The following DDX60 variants were observed in gnomAD, a reference collection of about 807,000 sequenced individuals.
The protein encoded by DDX60 is DExD/H-box helicase 60, also known as probable ATP-dependent RNA helicase DDX60.
In DDX60, 165 loss-of-function variants were observed where a neutral mutation model predicts 212.8. The ratio of observed to expected loss-of-function variants is 0.78; its 90% CI spans 0.68 to 0.88. The LOEUF is 0.88. DDX60 is among the 40% of genes least tolerant of loss of function. The pLI, the probability that DDX60 is intolerant of heterozygous loss-of-function variation, is 0.00. For missense variants in DDX60, 1,905 were observed against 2,003.9 expected (o/e 0.95, Z 0.94); for synonymous variants, 703 against 685.3 (o/e 1.03, Z -0.40).
intron 6 of DDX60, among the ~76,000 whole-genome samples, chr4:168,296,426 C>A (rs765884044): frequency 6.6e-6 from 1 of 151,576 alleles, no homozygotes; most frequent in Admixed American, 6.6e-5. Flanking sequence ...AATTAAGTGG[C>A]GAAAGAGTAA....
At position 168,308,104 on chromosome 4, in the gene DDX60, A is replaced by G; in HGVS notation, c.166T>C (p.Phe56Leu). Residue 56 changes from phenylalanine to leucine, a missense_variant, in exon 4 of 38, where the codon TTT becomes CTT. By Grantham distance (22) the Phe-to-Leu change is conservative (BLOSUM62 0). Coordinates refer to ENST00000393743, the MANE Select transcript of DDX60 (RefSeq NM_017631.6). ...AAATGGAGGTTCTGCCCAGGCTTAA[A>G]TGATATCTCACAGATACATGTGATA... ...LLITCICEIS[F>L]KPGQNLHFFY... The G allele has an allele frequency of 6.2e-7, 1 of 1,611,232 alleles. No individual in the cohort carries two copies. The highest frequency in any genetic ancestry group is 1.3e-5 in the African/African-American group (1 of 74,962).
At position 168,288,231 on chromosome 4, in the gene DDX60, T is replaced by G; in HGVS notation, c.1126A>C (p.Asn376His). 2 of 1,523,202 alleles carry G rather than the reference T, an allele frequency of 1.3e-6. No homozygotes were observed. The highest frequency in any genetic ancestry group is 1.8e-6 in the Non-Finnish European group (2 of 1,114,840). The allele number at this position is 1,523,202 out of a possible 1,614,324, so 94.4% of individuals were successfully genotyped here. A position where few individuals can be genotyped will look rare whatever the true frequency, so the allele number is the denominator to read the frequency against. Residue 376 changes from asparagine (N) to histidine (H), a missense_variant, in exon 9 of 38, where the codon AAT becomes CAT. Asn to His is a moderately conservative substitution (Grantham distance 68, BLOSUM62 1). Coordinates refer to ENST00000393743, the MANE Select transcript of DDX60 (RefSeq NM_017631.6). ...NLNLIHLSDL[N>H]DELLLKNIAF... is the part of the protein sequence containing the mutation. Reference sequence around the variant, plus strand: ...ATATTCTTCAACAAAAGCTCATCATTTAAGTCAGAAAGGTGAATTAAATTC... The same window carrying G: ...ATATTCTTCAACAAAAGCTCATCATGTAAGTCAGAAAGGTGAATTAAATTC...
intron 4 of DDX60, 32 bp from the exon 5 acceptor site, chr4:168,306,752 T>C (rs1199821085): frequency 1.4e-6 from 2 of 1,473,466 alleles, no homozygotes; most frequent in South Asian, 2.4e-5. Context: ...ACATTTTATT[T>C]CAAAATTATC....
chr4:168,276,200 A>G lies in DDX60; in HGVS notation c.1979-19T>C, dbSNP rs1416344354. 1 of 1,571,806 alleles carries G rather than the reference A, an allele frequency of 6.4e-7. No homozygotes were observed. The highest frequency in any genetic ancestry group is 8.7e-7 in the Non-Finnish European group (1 of 1,151,714). On this transcript the variant is annotated intron_variant, in intron 14 of 37. Coordinates refer to ENST00000393743, the MANE Select transcript of DDX60 (RefSeq NM_017631.6). ...GTTTTACCTTGATAAACAATAAACA[A>G]TAAAATTGTTATAAAGACCATCAAA...
At chr4:168,261,889 T>G (rs1040653235) in intron 24 of DDX60, 111 bp downstream of exon 24, 5 of 1,263,364 alleles carry the variant, frequency 4.0e-6, no homozygotes, top group Non-Finnish European at 5.3e-6. Flanking sequence ...AACTTAAATT[T>G]CTAAAATAAA....
rs1016023332 is a variant in DDX60, at chr4:168,256,004, A to G, written c.3399-135T>C. The G allele has an allele frequency of 7.1e-6, 6 of 843,438 alleles. No individual in the cohort carries two copies. In the Admixed American group the frequency reaches 1.1e-4, roughly 15 times the overall value. 52.2% of individuals were successfully genotyped at this position (843,438 alleles called of 1,614,324 possible). On this transcript the variant is annotated intron_variant, in intron 25 of 37. Coordinates refer to ENST00000393743, the MANE Select transcript of DDX60 (RefSeq NM_017631.6). ...CCCACCTTTATAAATGTTACCCAGA[A>G]TGTGCACACCAGGTGTTCTGAATCA...
chr4:168,252,175 A>C (rs1470508587), intron 27 of DDX60, among the ~76,000 whole-genome samples: 2 of 152,242 alleles, frequency 1.3e-5, no homozygotes, highest in Non-Finnish European at 2.9e-5. Flanking sequence ...ACAAATAACG[A>C]AACGGCAAAC....
At position 168,262,092 on chromosome 4, in the gene DDX60, T is replaced by A; in HGVS notation, c.3181A>T (p.Lys1061Ter). The change falls in exon 24 of 38, where the codon AAA becomes TAA. Residue 1061 changes from lysine to a stop codon, truncating the protein, a stop_gained. Transcript: ENST00000393743. LOFTEE classifies it high-confidence loss of function. ...CPENFIHFNNKLVIKKMDARK... is the reference protein window; with the variant it reads ...CPENFIHFNN ...GCATCCATCTTTTTAATGACTAATTTATTGTTAAAATGAATGAAGTTTTCT... is the reference window on the plus strand; with the variant it reads ...GCATCCATCTTTTTAATGACTAATTAATTGTTAAAATGAATGAAGTTTTCT... 1 of 1,595,418 alleles carries A rather than the reference T, an allele frequency of 6.3e-7. No individual in the cohort carries two copies. The highest frequency in any genetic ancestry group is 8.5e-7 in the Non-Finnish European group (1 of 1,174,298).
At chr4:168,297,380 A>AG (rs1736441923) in intron 6 of DDX60, among the ~76,000 whole-genome samples, 1 of 43,144 alleles carries the variant, frequency 2.3e-5, no homozygotes, top group Admixed American at 2.0e-4. Flanking sequence ...GAAAGAAAGA[A>AG]AGAGAAAGAA....
intron 33 of DDX60, among the ~76,000 whole-genome samples, chr4:168,234,394 A>G (rs1384919871): frequency 6.6e-6 from 1 of 151,184 alleles, no homozygotes. Context: ...TGATTTTTTA[A>G]TTTTTTTTAA....
intron 14 of DDX60, 81 bp downstream of exon 14, chr4:168,280,254 C>T: frequency 6.6e-7 from 1 of 1,504,658 alleles, no homozygotes; most frequent in Non-Finnish European, 8.9e-7. Flanking sequence ...ATGCAAATTT[C>T]CAGTTAACAA....
intron 19 of DDX60, among the ~76,000 whole-genome samples, chr4:168,271,099 A>G (rs1296129317): frequency 1.3e-5 from 2 of 151,980 alleles, no homozygotes; most frequent in African/African-American, 2.4e-5. Flanking sequence ...GCTGGCCTCA[A>G]ACTCCTGACC....
chr4:168,315,804 A>G (rs1409876351), intron 1 of DDX60, among the ~76,000 whole-genome samples: 2 of 152,050 alleles, frequency 1.3e-5, no homozygotes, highest in Non-Finnish European at 2.9e-5. Context: ...TATGTGCCAC[A>G]TTTTCTTTAT....
At chr4:168,297,555 A>G (rs1245716965) in intron 6 of DDX60, among the ~76,000 whole-genome samples, 4 of 152,182 alleles carry the variant, frequency 2.6e-5, no homozygotes, top group Admixed American at 1.3e-4. Context: ...TAAAATAAAA[A>G]CCAAAAAAGG....
At chr4:168,226,059 T>G (rs72971449) in intron 33 of DDX60, among the ~76,000 whole-genome samples, 2 of 152,072 alleles carry the variant, frequency 1.3e-5, no homozygotes, top group Non-Finnish European at 2.9e-5. Flanking sequence ...AATCTCGTTT[T>G]GTTTTGAGGG....
At chr4:168,242,679 T>G (rs1285628381) in intron 30 of DDX60, among the ~76,000 whole-genome samples, 1 of 152,204 alleles carries the variant, frequency 6.6e-6, no homozygotes, top group Non-Finnish European at 1.5e-5. Flanking sequence ...GCTTTTGATT[T>G]TACTAGCTCA....
chr4:168,272,005 C>T (rs1199537885), intron 19 of DDX60, 38 bp downstream of exon 19: 2 of 1,426,978 alleles, frequency 1.4e-6, no homozygotes, highest in Non-Finnish European at 1.9e-6. Context: ...TGCAAGTGTG[C>T]ACTAGGGAAT....
At chr4:168,231,226 AC>A (rs1171901464) in intron 33 of DDX60, among the ~76,000 whole-genome samples, 1 of 151,962 alleles carries the variant, frequency 6.6e-6, no homozygotes, top group African/African-American at 2.4e-5. Flanking sequence ...TTAAATGTCA[AC>A]AAAAAAAGTC....
intron 33 of DDX60, among the ~76,000 whole-genome samples, chr4:168,230,397 C>A (rs1159786226): frequency 3.3e-5 from 5 of 152,040 alleles, no homozygotes; most frequent in Non-Finnish European, 7.4e-5. Flanking sequence ...TTCTACCCAA[C>A]AATTGAAGAA....
Sources: allele counts gnomAD v4.1 joint callset (sites outside exome capture counted in the v4.1 genomes callset), GRCh38; gene constraint gnomAD v4.1.1; transcripts MANE v1.5; gene names NCBI Gene and HGNC (gene_info 2026-07-23, HGNC 2026-07-21).